AKAP6: variants seen among roughly 807,000 people sequenced by gnomAD.
AKAP6 encodes A-kinase anchoring protein 6.
AKAP6 carries 58 observed loss-of-function variants against 188.5 expected under a neutral mutation model. The ratio of observed to expected loss-of-function variants is 0.31; its 90% CI spans 0.25 to 0.38. The LOEUF is 0.38. Among genes scored for constraint, AKAP6 ranks in the 10% least tolerant of loss-of-function variants. The pLI, the probability that AKAP6 is intolerant of heterozygous loss-of-function variation, is 1.00. For synonymous variants in AKAP6, 989 were observed against 998.6 expected (o/e 0.99, Z 0.18); for missense variants, 2,710 against 2,740.0 (o/e 0.99, Z 0.24).
In AKAP6 at chr14:32,715,675, C is replaced by G. The variant is rs141537378; in HGVS notation, c.3001-16779C>G. Among the ~76,000 whole-genome samples, 6 of 151,790 alleles carry G rather than the reference C, an allele frequency of 4.0e-5. No homozygotes were observed. In the East Asian group the frequency reaches 9.7e-4, roughly 25 times the overall value. ...AGCTTGGCATGTTCCTAGGATTTTA[C>G]CAAAAACAGGAAGACAAACTGGAGA... is the stretch of plus-strand genomic sequence containing the variant. On this transcript the variant is annotated intron_variant, in intron 9 of 13. Transcript: ENST00000280979.
chr14:32,614,091 A>G (rs1024937148), intron 7 of AKAP6, among the ~76,000 whole-genome samples: 7 of 152,322 alleles, frequency 4.6e-5, no homozygotes, highest in Admixed American at 2.0e-4. Context: ...TATTAACTGT[A>G]TAATACAGGA....
chr14:32,740,118 A>T (rs1034887300), intron 11 of AKAP6, among the ~76,000 whole-genome samples: 2 of 152,068 alleles, frequency 1.3e-5, no homozygotes, highest in African/African-American at 4.8e-5. Flanking sequence ...CATTTCTCTG[A>T]TGCTCAATGA....
chr14:32,819,170 G>T (rs2034458636), intron 12 of AKAP6, among the ~76,000 whole-genome samples: 1 of 152,098 alleles, frequency 6.6e-6, no homozygotes. Context: ...CATTGGCAGT[G>T]GGAAAGATTT....
intron 2 of AKAP6, among the ~76,000 whole-genome samples, chr14:32,526,208 G>T (rs1018210529): frequency 6.6e-6 from 1 of 152,016 alleles, no homozygotes; most frequent in Non-Finnish European, 1.5e-5. Flanking sequence ...GGGACTACAG[G>T]TGTATGCCAC....
At chr14:32,544,497 G>C (rs17099235) in intron 3 of AKAP6, among the ~76,000 whole-genome samples, 20,105 of 152,048 alleles carry the variant, frequency 0.13, 1,571 homozygotes, top group African/African-American at 0.2. Flanking sequence ...AGCCTATCCA[G>C]AATTATGAAT....
rs1413362643 is a variant in AKAP6 at position 32,608,036 on chromosome 14, T to C, written c.2730+7244T>C. ...TTATCGAATCCAATAGAAAATAGTT[T>C]CTCTAATCTCCTTGAAGCACTTAAA... On this transcript the variant is annotated intron_variant, in intron 7 of 13. Coordinates refer to ENST00000280979, the MANE Select transcript of AKAP6 (RefSeq NM_004274.5). 2.0e-5 allele frequency among the ~76,000 whole-genome samples: 3 copies of C among 152,220 alleles called. No individual in the cohort carries two copies. In the East Asian group the frequency reaches 5.8e-4, roughly 29 times the overall value.
chr14:32,817,290 G>T (rs1291496431), intron 12 of AKAP6, among the ~76,000 whole-genome samples: 1 of 151,960 alleles, frequency 6.6e-6, no homozygotes, highest in Non-Finnish European at 1.5e-5. Flanking sequence ...TTGGAATCTT[G>T]GTTCTTCTTT....
chr14:32,544,263 G>A (rs1883087503), intron 3 of AKAP6, among the ~76,000 whole-genome samples: 1 of 152,162 alleles, frequency 6.6e-6, no homozygotes, highest in South Asian at 2.1e-4. Context: ...AGGGGGCTAG[G>A]TTAGATCAGT....
chr14:32,499,129 T>C (rs34165453), intron 2 of AKAP6, among the ~76,000 whole-genome samples: 10,035 of 152,120 alleles, frequency 0.066, 411 homozygotes, highest in South Asian at 0.095. Flanking sequence ...TTGGAGCTGT[T>C]GTTCAGCCCT....
chr14:32,446,009 A>G (rs1890742745), intron 2 of AKAP6, among the ~76,000 whole-genome samples: 1 of 152,190 alleles, frequency 6.6e-6, no homozygotes, highest in Non-Finnish European at 1.5e-5. Context: ...GATTTGAGGG[A>G]GAAAGCCTCA....
At chr14:32,559,522 G>A (rs914734547) in intron 4 of AKAP6, among the ~76,000 whole-genome samples, 5 of 152,112 alleles carry the variant, frequency 3.3e-5, no homozygotes, top group African/African-American at 1.2e-4. Flanking sequence ...TGCGAAGATG[G>A]GAAACTACTT....
At chr14:32,637,407 T>C (rs951762937) in intron 7 of AKAP6, among the ~76,000 whole-genome samples, 2 of 152,098 alleles carry the variant, frequency 1.3e-5, no homozygotes, top group African/African-American at 4.8e-5. Context: ...TGAAGAATTA[T>C]AGAAAAGATA....
chr14:32,355,762 A>ATTTCT (rs757178247), intron 1 of AKAP6, among the ~76,000 whole-genome samples: 2 of 150,720 alleles, frequency 1.3e-5, no homozygotes, highest in South Asian at 2.1e-4. Flanking sequence ...AGGTATTGTG[A>ATTTCT]TTTCTTTTCT....
intron 1 of AKAP6, among the ~76,000 whole-genome samples, chr14:32,384,498 T>G (rs1888466317): frequency 6.6e-6 from 1 of 152,174 alleles, no homozygotes; most frequent in Admixed American, 6.6e-5. Flanking sequence ...CAAGAAGTCA[T>G]AGAATCATAG....
chr14:32,771,358 CT>C (rs2032893662), intron 11 of AKAP6, among the ~76,000 whole-genome samples: 1 of 151,186 alleles, frequency 6.6e-6, no homozygotes, highest in South Asian at 2.1e-4. Flanking sequence ...AAAAAAAACC[CT>C]GCAGAATTGT....
chr14:32,577,223 T>C lies in AKAP6; in HGVS notation c.2450T>C (p.Leu817Pro), dbSNP rs150736399. The C allele has an allele frequency of 3.7e-6, 6 of 1,610,774 alleles. No individual in the cohort carries two copies. Among genetic ancestry groups the C allele is most frequent in the Admixed American group, 1.7e-5 (1 of 59,246 alleles). The stretch of plus-strand genomic sequence containing the variant: ...AAAGCAGAGATGGATGACCTTAAAC[T>C]GTATCTGGAGACACACTTGGTAGGC... ...PPKAEMDDLKLYLETHLSFKL... is the reference protein window; with the variant it reads ...PPKAEMDDLKPYLETHLSFKL... The change falls in exon 5 of 14, where the codon CTG becomes CCG. Residue 817 changes from leucine (L) to proline (P), a missense_variant. Leu to Pro is a moderately conservative substitution (Grantham distance 98, BLOSUM62 -3). Coordinates refer to ENST00000280979, the MANE Select transcript of AKAP6 (RefSeq NM_004274.5).
chr14:32,513,843 G>T (rs1881378811), intron 2 of AKAP6, among the ~76,000 whole-genome samples: 2 of 151,716 alleles, frequency 1.3e-5, no homozygotes, highest in South Asian at 2.1e-4. Flanking sequence ...TTTCTATATA[G>T]AACTCTTTTA....
In AKAP6 at chr14:32,822,015, A is replaced by G; in HGVS notation, c.4202A>G (p.Gln1401Arg). ...CTTGAAACTGAACATCTGGACCCACAAATGGGAGATGCAGTTAACGTGTTA... is the reference window on the plus strand; with the variant it reads ...CTTGAAACTGAACATCTGGACCCACGAATGGGAGATGCAGTTAACGTGTTA... ...SNLETEHLDPQMGDAVNVLKQ... is the reference protein window; with the variant it reads ...SNLETEHLDPRMGDAVNVLKQ... The change falls in exon 13 of 14, where the codon CAA becomes CGA. Residue 1401 changes from glutamine to arginine, a missense_variant. By Grantham distance (43) the Gln-to-Arg change is conservative (BLOSUM62 1). This residue lies in a region of AKAP6 where 2,473 missense variants were observed against 2,426.1 expected (regional missense o/e 1.02). Transcript: ENST00000280979. The G allele has an allele frequency of 3.1e-6, 5 of 1,614,004 alleles. No homozygotes were observed. Among genetic ancestry groups the G allele is most frequent in the Non-Finnish European group, 3.4e-6 (4 of 1,179,950 alleles).
chr14:32,713,365 A>G (rs1277878452), intron 9 of AKAP6, among the ~76,000 whole-genome samples: 1 of 152,012 alleles, frequency 6.6e-6, no homozygotes, highest in Non-Finnish European at 1.5e-5. Context: ...AACGTCATCA[A>G]CAGCTTTAGC....
Sources: allele counts gnomAD v4.1 joint callset (sites outside exome capture counted in the v4.1 genomes callset), GRCh38; gene constraint gnomAD v4.1.1; regional missense constraint gnomAD v4.1.1; transcripts MANE v1.5; gene names NCBI Gene and HGNC (gene_info 2026-07-23, HGNC 2026-07-21).